TIAM1: variants seen among roughly 807,000 people sequenced by gnomAD.
The protein encoded by TIAM1 is rho guanine nucleotide exchange factor TIAM1.
TIAM1 carries 65 observed loss-of-function variants against 163.5 expected under a neutral mutation model. That is an observed-to-expected ratio of 0.40 (90% CI 0.33 to 0.49). The LOEUF (loss-of-function observed/expected upper bound fraction) is 0.49, where lower values mean the gene tolerates loss of function less well. TIAM1 is among the 20% of genes least tolerant of loss of function. The pLI, the probability that TIAM1 is intolerant of heterozygous loss-of-function variation, is 0.77. For missense variants in TIAM1, 1,789 were observed against 2,044.7 expected (o/e 0.87, Z 2.41); for synonymous variants, 833 against 810.1 (o/e 1.03, Z -0.48).
At chr21:31,347,156 A>G (rs1421247590), upstream of TIAM1, among the ~76,000 whole-genome samples, 2 of 152,348 alleles carry the variant, frequency 1.3e-5, no homozygotes, top group Middle Eastern at 6.8e-3. Flanking sequence ...CTTCTAGAGA[A>G]GAATAACTTG....
intron 2 of TIAM1, among the ~76,000 whole-genome samples, chr21:31,442,240 T>G (rs953976403): frequency 8.9e-5 from 13 of 145,628 alleles, no homozygotes; most frequent in African/African-American, 2.3e-4. Context: ...GAGTTTTTTT[T>G]TTTTTTTTTT....
At chr21:31,151,992 T>G (rs1423739773) in intron 19 of TIAM1, among the ~76,000 whole-genome samples, 1 of 151,218 alleles carries the variant, frequency 6.6e-6, no homozygotes, top group African/African-American at 2.4e-5. Flanking sequence ...CACGATAAAT[T>G]AATTTGTTTA....
chr21:31,148,120 C>T (rs560625419), intron 19 of TIAM1, among the ~76,000 whole-genome samples: 12 of 151,862 alleles, frequency 7.9e-5, no homozygotes, highest in East Asian at 7.7e-4. Flanking sequence ...CCAAGCCCTC[C>T]GCAAATCTCC....
intron 2 of TIAM1, among the ~76,000 whole-genome samples, chr21:31,378,870 A>G (rs1024033776): frequency 1.2e-4 from 19 of 152,342 alleles, no homozygotes; most frequent in African/African-American, 4.6e-4. Context: ...TTTACATAGC[A>G]TTTACATTGC....
intron 2 of TIAM1, among the ~76,000 whole-genome samples, chr21:31,450,493 T>C (rs922327336): frequency 6.6e-6 from 1 of 152,032 alleles, no homozygotes; most frequent in Non-Finnish European, 1.5e-5. Context: ...ATTGCTTTCC[T>C]GGGCCTGGGA....
intron 27 of TIAM1, among the ~76,000 whole-genome samples, chr21:31,122,099 G>T (rs2082022999): frequency 6.6e-6 from 1 of 152,180 alleles, no homozygotes; most frequent in Non-Finnish European, 1.5e-5. Flanking sequence ...TGGTCAACGA[G>T]GGGCTGAATT....
chr21:31,418,869 C>G (rs2043467041), intron 2 of TIAM1, among the ~76,000 whole-genome samples: 1 of 152,188 alleles, frequency 6.6e-6, no homozygotes, highest in East Asian at 1.9e-4. Context: ...ACTACCGTTT[C>G]TTTTACTGCA....
intron 1 of TIAM1, among the ~76,000 whole-genome samples, chr21:31,474,972 G>A (rs976906690): frequency 6.6e-6 from 1 of 151,766 alleles, no homozygotes; most frequent in Non-Finnish European, 1.5e-5. Flanking sequence ...GAGACCCACA[G>A]AACAGGATTT....
intron 2 of TIAM1, among the ~76,000 whole-genome samples, chr21:31,426,012 C>T (rs576030530): frequency 6.6e-6 from 1 of 152,192 alleles, no homozygotes; most frequent in African/African-American, 2.4e-5. Flanking sequence ...GGATTACAGG[C>T]GTAAACCACC....
At chr21:31,383,193 T>C (rs2076807896) in intron 2 of TIAM1, among the ~76,000 whole-genome samples, 2 of 151,978 alleles carry the variant, frequency 1.3e-5, no homozygotes, top group African/African-American at 4.8e-5. Context: ...TGAGCAGAGA[T>C]CGTGCCATTG....
At chr21:31,399,478 C>G (rs2077128590) in intron 2 of TIAM1, among the ~76,000 whole-genome samples, 1 of 152,146 alleles carries the variant, frequency 6.6e-6, no homozygotes, top group African/African-American at 2.4e-5. Context: ...CTTCTTCAGG[C>G]TGACAGAATG....
chr21:31,241,238 A>G (rs942440318), intron 6 of TIAM1, among the ~76,000 whole-genome samples: 1 of 152,216 alleles, frequency 6.6e-6, no homozygotes, highest in African/African-American at 2.4e-5. Context: ...ATTGACTAAT[A>G]CAGTCACAAA....
intron 2 of TIAM1, among the ~76,000 whole-genome samples, chr21:31,310,840 C>T (rs991447275): frequency 2.0e-5 from 3 of 152,114 alleles, no homozygotes; most frequent in Admixed American, 6.5e-5. Context: ...CACTAACAAC[C>T]GTCATTGAGG....
intron 2 of TIAM1, among the ~76,000 whole-genome samples, chr21:31,374,343 C>A (rs932206886): frequency 6.6e-6 from 1 of 152,206 alleles, no homozygotes; most frequent in Non-Finnish European, 1.5e-5. Flanking sequence ...AAGTTTCCTT[C>A]CTGTAGCTTT....
intron 1 of TIAM1, among the ~76,000 whole-genome samples, chr21:31,524,243 C>T (rs1256812945): frequency 3.9e-5 from 6 of 152,154 alleles, no homozygotes. Context: ...GGGAAAGCCT[C>T]AGGGAGCTTT....
intron 2 of TIAM1, among the ~76,000 whole-genome samples, chr21:31,285,736 C>T (rs7364118): frequency 1.3e-5 from 2 of 152,128 alleles, no homozygotes; most frequent in African/African-American, 4.8e-5. Context: ...TGGCCCACAC[C>T]TGTAATCTCA....
intron 2 of TIAM1, among the ~76,000 whole-genome samples, chr21:31,299,693 T>C (rs898515364): frequency 2.6e-5 from 4 of 152,150 alleles, no homozygotes; most frequent in African/African-American, 9.7e-5. Context: ...GGATTCATGC[T>C]TGGGGAATGG....
At chr21:31,315,631 G>A (rs2075091120) in intron 2 of TIAM1, among the ~76,000 whole-genome samples, 2 of 133,312 alleles carry the variant, frequency 1.5e-5, no homozygotes, top group African/African-American at 2.9e-5. Context: ...AGCCAACATA[G>A]CGCCCCTGCA....
chr21:31,190,120 T>C (rs2085482976), intron 13 of TIAM1, among the ~76,000 whole-genome samples: 1 of 152,040 alleles, frequency 6.6e-6, no homozygotes, highest in Non-Finnish European at 1.5e-5. Context: ...GTGATGAAAC[T>C]AAGGTCGGGC....
Sources: allele counts gnomAD v4.1 joint callset (sites outside exome capture counted in the v4.1 genomes callset), GRCh38; gene constraint gnomAD v4.1.1; transcripts MANE v1.5; gene names NCBI Gene and HGNC (gene_info 2026-07-23, HGNC 2026-07-21).